The following SH3BGRL2 variants were observed in gnomAD, a reference collection of about 807,000 sequenced individuals.
SH3BGRL2 encodes the protein SH3 domain binding glutamate rich protein like 2, also known as SH3 domain-binding glutamic acid-rich-like protein 2.
A neutral mutation model predicts 14.8 loss-of-function variants in SH3BGRL2; 21 were observed. That is an observed-to-expected ratio of 1.42 (90% CI 1.01 to 2.05). The LOEUF is 2.05. Among genes scored for constraint, SH3BGRL2 ranks in the 30% most tolerant of loss-of-function variants. The pLI, the probability that SH3BGRL2 is intolerant of heterozygous loss-of-function variation, is 0.00. For synonymous variants in SH3BGRL2, 50 were observed against 47.8 expected, an observed-to-expected ratio of 1.05 and a Z score of -0.19; for missense variants, 147 against 130.8, an observed-to-expected ratio of 1.12 and a Z score of -0.61.
At chr6:79,676,937 A>G (rs1371204221) in intron 2 of SH3BGRL2, among the ~76,000 whole-genome samples, 1 of 152,166 alleles carries the variant, frequency 6.6e-6, no homozygotes, top group African/African-American at 2.4e-5. Flanking sequence ...ATATTGATTA[A>G]ACTGTGCCAG....
the SH3BGRL2 span, among the ~76,000 whole-genome samples, chr6:79,597,282 G>GAAAGAAAGAGAGAAAGAGAGAGA: frequency 1.4e-5 from 2 of 138,510 alleles, no homozygotes; most frequent in African/African-American, 5.3e-5. Context: ...GAGAGAGAGA[G>GAAAGAAAGAGAGAAAGAGAGAGA]AAAGAAAGAG....
At chr6:79,684,278 GT>G (rs1284238254) in intron 2 of SH3BGRL2, among the ~76,000 whole-genome samples, 1 of 152,024 alleles carries the variant, frequency 6.6e-6, no homozygotes, top group East Asian at 1.9e-4. Context: ...AAGGTGTGTT[GT>G]TATTACACTT....
chr6:79,592,848 T>A, the SH3BGRL2 span, among the ~76,000 whole-genome samples: 1 of 152,174 alleles, frequency 6.6e-6, no homozygotes, highest in Non-Finnish European at 1.5e-5. Context: ...TTCCAAGAGT[T>A]ACGTGAATTT....
At chr6:79,569,031 G>A in the SH3BGRL2 span, among the ~76,000 whole-genome samples, 539 of 152,276 alleles carry the variant, frequency 3.5e-3, 7 homozygotes, top group African/African-American at 0.011. Context: ...ATGTGCCCAA[G>A]GTGGTCCAGC....
the SH3BGRL2 span, among the ~76,000 whole-genome samples, chr6:79,605,021 G>A: frequency 6.6e-6 from 1 of 152,292 alleles, no homozygotes; most frequent in South Asian, 2.1e-4. Flanking sequence ...CTCCTTAAAA[G>A]GTGGAGTCTA....
chr6:79,538,240 A>C, the SH3BGRL2 span, among the ~76,000 whole-genome samples: 1 of 151,868 alleles, frequency 6.6e-6, no homozygotes, highest in African/African-American at 2.4e-5. Flanking sequence ...TGTTCTCACT[A>C]TTGTTAATTT....
chr6:79,627,531 T>C (rs1768757263), upstream of SH3BGRL2, among the ~76,000 whole-genome samples: 1 of 152,180 alleles, frequency 6.6e-6, no homozygotes, highest in Non-Finnish European at 1.5e-5. Context: ...CTTATGGAGG[T>C]GATGAAATTT....
chr6:79,702,530 G>A lies in SH3BGRL2; in HGVS notation c.*3021G>A, dbSNP rs1770482322. 1 of 152,238 alleles carries A rather than the reference G, an allele frequency of 6.6e-6. No individual in the cohort carries two copies. Among genetic ancestry groups the A allele is most frequent in the Non-Finnish European group, 1.5e-5 (1 of 68,036 alleles). The allele number at this position is 152,238 out of a possible 1,614,324, so 9.4% of individuals were successfully genotyped here. A position where few individuals can be genotyped will look rare whatever the true frequency, so the allele number is the denominator to read the frequency against. Reference sequence around the variant, plus strand: ...CACATATTCTGAAAATGGAGTGTTTGTTCCCTGCCATTTTTCACACCTCTC... The same window carrying A: ...CACATATTCTGAAAATGGAGTGTTTATTCCCTGCCATTTTTCACACCTCTC... On this transcript the variant is annotated 3_prime_UTR_variant, in exon 4 of 4. Coordinates refer to ENST00000369838, the MANE Select transcript of SH3BGRL2 (RefSeq NM_031469.4).
At chr6:79,671,894 A>G (rs1285882010) in intron 1 of SH3BGRL2, among the ~76,000 whole-genome samples, 1 of 152,220 alleles carries the variant, frequency 6.6e-6, no homozygotes, top group Non-Finnish European at 1.5e-5. Flanking sequence ...TAGTATCATA[A>G]ACATCCACTT....
intron 2 of SH3BGRL2, among the ~76,000 whole-genome samples, chr6:79,680,240 C>T (rs953728228): frequency 6.6e-6 from 1 of 152,086 alleles, no homozygotes; most frequent in African/African-American, 2.4e-5. Flanking sequence ...GTCTTCAATC[C>T]GTTTCAAGTT....
chr6:79,691,073 T>C (rs1000535010), intron 2 of SH3BGRL2, among the ~76,000 whole-genome samples: 3 of 152,142 alleles, frequency 2.0e-5, no homozygotes, highest in African/African-American at 7.2e-5. Flanking sequence ...GAGGATCACC[T>C]GAGCCCAGGA....
chr6:79,683,654 T>C, intron 2 of SH3BGRL2, among the ~76,000 whole-genome samples: 1 of 151,962 alleles, frequency 6.6e-6, no homozygotes, highest in East Asian at 1.9e-4. Context: ...TCACCATGTT[T>C]GCCAGGATGG....
chr6:79,631,153 C>A (rs554326596), upstream of SH3BGRL2: 3 of 320,672 alleles, frequency 9.4e-6, no homozygotes, highest in East Asian at 1.4e-4. Context: ...TGCGCGTGTT[C>A]GGGATAGAAG....
chr6:79,626,866 C>T (rs976942165), upstream of SH3BGRL2, among the ~76,000 whole-genome samples: 5 of 152,142 alleles, frequency 3.3e-5, no homozygotes, highest in African/African-American at 1.2e-4. Context: ...AGTTACTACC[C>T]ATGCTTTACA....
the SH3BGRL2 span, among the ~76,000 whole-genome samples, chr6:79,625,528 T>A: frequency 6.6e-6 from 1 of 152,174 alleles, no homozygotes; most frequent in Non-Finnish European, 1.5e-5. Context: ...AAGACTTTGT[T>A]AAGTACTTTA....
chr6:79,684,098 G>A (rs543255424), intron 2 of SH3BGRL2, among the ~76,000 whole-genome samples: 1 of 152,292 alleles, frequency 6.6e-6, no homozygotes, highest in African/African-American at 2.4e-5. Context: ...AGATATGGAT[G>A]CTATTTATTT....
chr6:79,564,901 C>T, the SH3BGRL2 span, among the ~76,000 whole-genome samples: 441 of 152,138 alleles, frequency 2.9e-3, 1 homozygote, highest in African/African-American at 9.8e-3. Flanking sequence ...CAGTATTTTC[C>T]CCTTTTTCTG....
Position 79,673,709 on chromosome 6 carries a change from A to G in SH3BGRL2, c.141A>G (p.Gln47=), listed in dbSNP as rs769234226. ...TCACAATGTCAGAAGAACAGAGGCAATGGATGTACAAAAACGTCCCCCCGG... is the reference window on the plus strand; with the variant it reads ...TCACAATGTCAGAAGAACAGAGGCAGTGGATGTACAAAAACGTCCCCCCGG... ...VDITMSEEQR[Q]WMYKNVPPEK... is the part of the protein sequence containing the mutation. Residue 47 remains glutamine, a synonymous_variant, in exon 2 of 4, where the codon CAA becomes CAG. Coordinates refer to ENST00000369838, the MANE Select transcript of SH3BGRL2 (RefSeq NM_031469.4). 12 of 1,614,024 alleles carry G rather than the reference A, an allele frequency of 7.4e-6. No homozygotes were observed. Among genetic ancestry groups the G allele is most frequent in the Admixed American group, 1.7e-5 (1 of 60,002 alleles).
At chr6:79,630,606 A>G (rs1173417835), upstream of SH3BGRL2, among the ~76,000 whole-genome samples, 1 of 152,160 alleles carries the variant, frequency 6.6e-6, no homozygotes, top group African/African-American at 2.4e-5. Context: ...AGGCGAAGCC[A>G]TTGTGTAGGG....
Sources: allele counts gnomAD v4.1 joint callset (sites outside exome capture counted in the v4.1 genomes callset), GRCh38; gene constraint gnomAD v4.1.1; transcripts MANE v1.5; gene names NCBI Gene and HGNC (gene_info 2026-07-23, HGNC 2026-07-21).